Variants in DNAI3 observed in about 807,000 individuals in gnomAD.
DNAI3 encodes WD repeat domain 63.
In DNAI3, 83 loss-of-function variants were observed where a neutral mutation model predicts 115.5. The ratio of observed to expected loss-of-function variants is 0.72; its 90% CI spans 0.60 to 0.86. DNAI3 has a LOEUF of 0.86. DNAI3 is among the 40% of genes least tolerant of loss of function. The pLI is 0.00. For synonymous variants in DNAI3, 320 were observed against 347.0 expected (o/e 0.92, Z 0.86); for missense variants, 1,004 against 1,075.8 (o/e 0.93, Z 0.93).
chr1:85,081,525 C>A (rs1406378038), intron 4 of DNAI3, 110 bp downstream of exon 4: 2 of 1,027,936 alleles, frequency 1.9e-6, no homozygotes, highest in Non-Finnish European at 2.7e-6. Flanking sequence ...TTGCTTTGGG[C>A]AAGTGCTAGC....
intron 13 of DNAI3, among the ~76,000 whole-genome samples, chr1:85,102,952 T>C (rs1655369614): frequency 6.6e-6 from 1 of 152,196 alleles, no homozygotes; most frequent in Admixed American, 6.5e-5. Context: ...TCTGACTTCA[T>C]TATAGCAGAA....
chr1:85,101,682 C>T (rs1410535012), intron 13 of DNAI3, among the ~76,000 whole-genome samples: 6 of 132,366 alleles, frequency 4.5e-5, no homozygotes, highest in Non-Finnish European at 7.8e-5. Context: ...GAGCCGAGAT[C>T]GCGCCACTGC....
intron 7 of DNAI3, 49 bp downstream of exon 7, chr1:85,086,079 T>C (rs748896740): frequency 6.5e-7 from 1 of 1,533,284 alleles, no homozygotes; most frequent in East Asian, 2.3e-5. Flanking sequence ...TACAGTAAAA[T>C]CTAGTAACTT....
intron 9 of DNAI3, 34 bp downstream of exon 9, chr1:85,093,682 A>G: frequency 6.2e-7 from 1 of 1,612,054 alleles, no homozygotes; most frequent in South Asian, 1.1e-5. Context: ...CCCTTTTGTG[A>G]TAACATTGAA....
At chr1:85,066,314 C>CATTTTTTTTTTTTTTTTTTTTTTTT (rs1553164760) in intron 1 of DNAI3, among the ~76,000 whole-genome samples, 3 of 70,014 alleles carry the variant, frequency 4.3e-5, no homozygotes. Context: ...TTCTGCTACT[C>CATTTTTTTTTTTTTTTTTTTTTTTT]TTTTTTTTTT....
At position 85,063,937 on chromosome 1, in the gene DNAI3, T is replaced by C. The variant is rs202118515; in HGVS notation, c.-15+1451T>C. Among the ~76,000 whole-genome samples the C allele has an allele frequency of 5.3e-5, 8 of 152,254 alleles. 1 individual carries two copies. The East Asian group carries it at 1.5e-3, about 29-fold the overall frequency. On this transcript the variant is annotated intron_variant, in intron 1 of 22. Transcript: ENST00000294664. ...ACAGTAGTACTCACAGGCCTGTGAC[T>C]TTGTTAGTAACTCTTTTCATATTAC...
intron 20 of DNAI3, among the ~76,000 whole-genome samples, chr1:85,127,734 G>A (rs1025610575): frequency 6.6e-6 from 1 of 152,070 alleles, no homozygotes; most frequent in Non-Finnish European, 1.5e-5. Context: ...TGCTTTGTAC[G>A]CCTACAGGGA....
chr1:85,077,590 A>G (rs769206975), intron 3 of DNAI3, among the ~76,000 whole-genome samples: 11 of 152,248 alleles, frequency 7.2e-5, no homozygotes, highest in South Asian at 4.1e-4. Context: ...AAACAAAAAG[A>G]GTACATTTAT....
At chr1:85,082,030 C>T (rs1654648623) in intron 4 of DNAI3, among the ~76,000 whole-genome samples, 1 of 152,228 alleles carries the variant, frequency 6.6e-6, no homozygotes, top group Non-Finnish European at 1.5e-5. Flanking sequence ...TATCTCTATG[C>T]ATGCTACAGA....
chr1:85,098,074 A>G (rs990115494), intron 12 of DNAI3, among the ~76,000 whole-genome samples: 2 of 152,206 alleles, frequency 1.3e-5, no homozygotes, highest in African/African-American at 4.8e-5. Flanking sequence ...AAGGGGTTAC[A>G]TCATATTTGA....
At chr1:85,094,102 G>T (rs1655059110) in intron 9 of DNAI3, 3 of 410,630 alleles carry the variant, frequency 7.3e-6, no homozygotes, top group Non-Finnish European at 1.4e-5. Flanking sequence ...AGAGGTATTT[G>T]TCCTCTTTCT....
At chr1:85,117,634 T>C in intron 16 of DNAI3, 95 bp from the exon 17 acceptor site, 6 of 1,537,142 alleles carry the variant, frequency 3.9e-6, no homozygotes, top group Non-Finnish European at 5.3e-6. Context: ...ATGGGGCAAA[T>C]GCAGGTGGCA....
At position 85,130,063 on chromosome 1, in the gene DNAI3, G is replaced by A. The variant is rs199645222; in HGVS notation, c.2483G>A (p.Arg828His). The change falls in exon 22 of 23, where the codon CGT becomes CAT. Residue 828 changes from arginine (R) to histidine (H), a missense_variant. By Grantham distance (29) the Arg-to-His change is conservative. This residue lies in a region of DNAI3 where 429 missense variants were observed against 454.3 expected (regional missense o/e 0.94). Transcript: ENST00000294664. Reference sequence around the variant, plus strand: ...TACGTAGAACAGCGCAAAAAAATTCGTGAGCAAGAAAAGAAAGAAATGGAA... The same window carrying A: ...TACGTAGAACAGCGCAAAAAAATTCATGAGCAAGAAAAGAAAGAAATGGAA... The part of the protein sequence containing the change: ...LEYVEQRKKI[R>H]EQEKKEMELE... The A allele has an allele frequency of 1.5e-5, 24 of 1,613,814 alleles. No individual in the cohort carries two copies. The highest frequency in any genetic ancestry group is 8.9e-5 in the East Asian group (4 of 44,862).
intron 15 of DNAI3, among the ~76,000 whole-genome samples, 172 bp from the exon 16 acceptor site, chr1:85,109,876 G>A (rs1655599444): frequency 6.6e-6 from 1 of 152,054 alleles, no homozygotes; most frequent in Non-Finnish European, 1.5e-5. Context: ...TGTGGTTTAG[G>A]TGCTTTCCAT....
chr1:85,122,334 C>T (rs538895488), intron 18 of DNAI3, among the ~76,000 whole-genome samples: 1 of 152,196 alleles, frequency 6.6e-6, no homozygotes, highest in Admixed American at 6.5e-5. Flanking sequence ...ATGTCTGCTG[C>T]TCCCAGGACC....
intron 3 of DNAI3, among the ~76,000 whole-genome samples, chr1:85,075,740 A>G (rs1173551818): frequency 6.6e-6 from 1 of 152,166 alleles, no homozygotes; most frequent in African/African-American, 2.4e-5. Context: ...ACACATAGCT[A>G]ATATTTGTGG....
At position 85,081,301 on chromosome 1, in the gene DNAI3, T is replaced by G. The variant is rs201744091; in HGVS notation, c.171T>G (p.Asp57Glu). The G allele has an allele frequency of 6.2e-7, 1 of 1,606,086 alleles. No individual in the cohort carries two copies. Among genetic ancestry groups the G allele is most frequent in the South Asian group, 1.1e-5 (1 of 89,478 alleles). Reference protein sequence around the residue: ...KTQEIFNCRIDEDVTDEQPYK... With the variant: ...KTQEIFNCRIEEDVTDEQPYK... ...AAGAAATATTTAACTGCCGAATAGA[T>G]GAAGATGTCACAGATGAACAACCTT... The change falls in exon 4 of 23, where the codon GAT becomes GAG. Residue 57 changes from aspartate (D) to glutamate (E), a missense_variant. Physicochemically the swap from Asp to Glu is conservative, Grantham distance 45 (BLOSUM62 2). Around this residue, in one of 3 missense-constraint regions of DNAI3, gnomAD observed 550 missense variants for 568.1 expected, o/e 0.97. Transcript: ENST00000294664.
Position 85,130,003 on chromosome 1 carries a change from AC to A in DNAI3, c.2425del (p.His809ThrfsTer13), listed in dbSNP as rs1260914478. 6.2e-7 allele frequency: 1 copy of A among 1,612,758 alleles called. No individual in the cohort carries two copies. The highest frequency in any genetic ancestry group is 1.3e-5 in the African/African-American group (1 of 74,968). On this transcript the variant is annotated frameshift_variant, in exon 22 of 23. Coordinates refer to ENST00000294664, the MANE Select transcript of DNAI3 (RefSeq NM_145172.5). LOFTEE classifies it high-confidence loss of function. ...RPSTNEMASV[N>X]HYFEREVKHL... ...TGTTTCTAACAGATGGCAAGTGTCA[AC>A]CACTATTTTGAAAGAGAAGTCAAGC...
chr1:85,114,242 A>G (rs1655748318), intron 16 of DNAI3, among the ~76,000 whole-genome samples: 1 of 152,024 alleles, frequency 6.6e-6, no homozygotes, highest in South Asian at 2.1e-4. Context: ...CGAACTCTTG[A>G]CCTCAGGTAA....
Sources: allele counts gnomAD v4.1 joint callset (sites outside exome capture counted in the v4.1 genomes callset), GRCh38; gene constraint gnomAD v4.1.1; regional missense constraint gnomAD v4.1.1; transcripts MANE v1.5; gene names NCBI Gene and HGNC (gene_info 2026-07-23, HGNC 2026-07-21).